Variants in TTC6 observed in about 807,000 individuals in gnomAD.
The protein encoded by TTC6 is tetratricopeptide repeat domain 6.
TTC6 carries 172 observed loss-of-function variants against 210.4 expected under a neutral mutation model. The ratio of observed to expected loss-of-function variants is 0.82; its 90% CI spans 0.72 to 0.93. The LOEUF (loss-of-function observed/expected upper bound fraction) is 0.93. Among genes scored for constraint, TTC6 ranks in the 40% least tolerant of loss-of-function variants. The probability of loss-of-function intolerance (pLI) is 0.00; values close to 1 mark genes in which losing one functional copy is unlikely to be tolerated. For synonymous variants in TTC6, 804 were observed against 819.6 expected (o/e 0.98, Z 0.32); for missense variants, 2,414 against 2,318.1 (o/e 1.04, Z -0.85).
At chr14:37,816,079 G>A (rs190852341) in intron 25 of TTC6, among the ~76,000 whole-genome samples, 1 of 149,920 alleles carries the variant, frequency 6.7e-6, no homozygotes. Context: ...TCCTCCTAGA[G>A]AGATGTCTGG....
chr14:37,804,923 C>A, intron 21 of TTC6, 109 bp downstream of exon 23: 1 of 1,234,364 alleles, frequency 8.1e-7, no homozygotes, highest in Non-Finnish European at 1.1e-6. Flanking sequence ...CGGTCCAAAG[C>A]TGCTTATGAA....
chr14:37,790,735 A>G (rs755652584), exon 16 of TTC6: 25 of 1,533,920 alleles, frequency 1.6e-5, no homozygotes, highest in South Asian at 2.4e-5. Flanking sequence ...AATGATGGCT[A>G]TGAGAATCTT....
At chr14:37,630,418 A>T (rs2095667357) in intron 1 of TTC6, among the ~76,000 whole-genome samples, 2 of 152,152 alleles carry the variant, frequency 1.3e-5, no homozygotes, top group Admixed American at 6.5e-5. Context: ...CCTGAGTTCT[A>T]ATTTGATTGC....
intron 14 of TTC6, among the ~76,000 whole-genome samples, chr14:37,777,757 C>T (rs1200752371): frequency 7.1e-6 from 1 of 140,374 alleles, no homozygotes. Context: ...TGAAATTTGT[C>T]TCCTTCGTGT....
intron 15 of TTC6, among the ~76,000 whole-genome samples, chr14:37,787,891 G>C (rs1439123791): frequency 0.017 from 438 of 25,774 alleles, 3 homozygotes; most frequent in African/African-American, 0.081. Context: ...GTGTGTGTCT[G>C]TGTGTGTGTG....
chr14:37,660,183 A>T (rs533759046), intron 1 of TTC6, among the ~76,000 whole-genome samples: 2 of 151,716 alleles, frequency 1.3e-5, no homozygotes, highest in Non-Finnish European at 2.9e-5. Context: ...GGCCGTTCCT[A>T]TGTCTAGGAT....
At chr14:37,827,422 T>C in intron 29 of TTC6, 56 bp downstream of exon 31, 1 of 1,527,596 alleles carries the variant, frequency 6.5e-7, no homozygotes, top group Non-Finnish European at 9.0e-7. Context: ...TTCTTTATTA[T>C]ATATAGCTTC....
At chr14:37,628,271 C>A (rs2095663790) in intron 1 of TTC6, among the ~76,000 whole-genome samples, 1 of 152,016 alleles carries the variant, frequency 6.6e-6, no homozygotes, top group South Asian at 2.1e-4. Flanking sequence ...CTGTGCCTGG[C>A]CTGTTTCCTG....
At chr14:37,809,707 G>A (rs2096125907) in intron 24 of TTC6, among the ~76,000 whole-genome samples, 1 of 152,012 alleles carries the variant, frequency 6.6e-6, no homozygotes, top group Non-Finnish European at 1.5e-5. Flanking sequence ...AAGGCCTGTG[G>A]GCTGCAGCAA....
chr14:37,743,347 G>A (rs923970435), intron 10 of TTC6, among the ~76,000 whole-genome samples: 1 of 152,016 alleles, frequency 6.6e-6, no homozygotes, highest in Admixed American at 6.6e-5. Flanking sequence ...TTCATCCACG[G>A]TCTGCATTTC....
intron 29 of TTC6, among the ~76,000 whole-genome samples, chr14:37,829,179 T>C (rs2096179062): frequency 6.6e-6 from 1 of 151,992 alleles, no homozygotes; most frequent in Admixed American, 6.6e-5. Context: ...GGTATGTCTC[T>C]TTTATACTGT....
chr14:37,672,443 C>G (rs924621388), intron 1 of TTC6, among the ~76,000 whole-genome samples: 4 of 152,074 alleles, frequency 2.6e-5, no homozygotes, highest in African/African-American at 9.6e-5. Flanking sequence ...ATCTCTCTAA[C>G]TAACTGAAAC....
chr14:37,664,801 G>GA (rs976828185), intron 1 of TTC6, among the ~76,000 whole-genome samples: 1 of 149,828 alleles, frequency 6.7e-6, no homozygotes, highest in African/African-American at 2.4e-5. Flanking sequence ...AAATCTACAA[G>GA]AAAAAAACAA....
At chr14:37,777,374 C>G (rs1360084233) in intron 14 of TTC6, among the ~76,000 whole-genome samples, 1 of 152,006 alleles carries the variant, frequency 6.6e-6, no homozygotes, top group Non-Finnish European at 1.5e-5. Flanking sequence ...TTTTTTTACT[C>G]AGCTTGGTCT....
intron 1 of TTC6, among the ~76,000 whole-genome samples, chr14:37,630,283 T>C (rs1477502004): frequency 1.3e-5 from 2 of 152,234 alleles, no homozygotes; most frequent in Non-Finnish European, 2.9e-5. Flanking sequence ...TGTTGTGTCT[T>C]TGTTCTCATT....
chr14:37,736,352 A>T (rs572366857), intron 8 of TTC6, among the ~76,000 whole-genome samples: 27 of 150,502 alleles, frequency 1.8e-4, no homozygotes, highest in African/African-American at 3.4e-4. Context: ...CTCAAAAAAA[A>T]TTTTTTTTTT....
exon 28 of TTC6, chr14:37,826,304 G>A (rs2096171405): frequency 6.2e-7 from 1 of 1,610,482 alleles, no homozygotes; most frequent in African/African-American, 1.3e-5. Context: ...CTTCAGATGG[G>A]TAATAATTTT....
chr14:37,686,577 A>G (rs1207545605), intron 3 of TTC6, among the ~76,000 whole-genome samples: 2 of 152,204 alleles, frequency 1.3e-5, no homozygotes, highest in African/African-American at 4.8e-5. Context: ...AAAACTGGGA[A>G]ATTTACAAAA....
intron 25 of TTC6, among the ~76,000 whole-genome samples, chr14:37,812,699 CA>C (rs1288968046): frequency 6.6e-6 from 1 of 152,190 alleles, no homozygotes; most frequent in South Asian, 2.1e-4. Flanking sequence ...GGAGTACAGA[CA>C]AAACTCAAGT....
Sources: gnomAD v4.1 joint callset for allele counts (sites outside exome capture counted in the v4.1 genomes callset) on GRCh38, gnomAD v4.1.1 for gene constraint, MANE v1.5 for transcripts, NCBI Gene and HGNC (gene_info 2026-07-23, HGNC 2026-07-21) for gene names.